ARMH4: variants seen among roughly 807,000 people sequenced by gnomAD.
The protein encoded by ARMH4 is armadillo-like helical domain-containing protein 4.
Under a neutral mutation model 61.9 loss-of-function variants are expected in ARMH4, and 49 were observed. The ratio of observed to expected loss-of-function variants is 0.79; its 90% CI spans 0.63 to 1.00. The LOEUF (loss-of-function observed/expected upper bound fraction) is 1.00. ARMH4 is among the 50% of genes least tolerant of loss of function. The pLI, the probability that ARMH4 is intolerant of heterozygous loss-of-function variation, is 0.00. For synonymous variants in ARMH4, 368 were observed against 341.5 expected (o/e 1.08, Z -0.85); for missense variants, 934 against 930.0 (o/e 1.00, Z -0.06).
intron 5 of ARMH4, among the ~76,000 whole-genome samples, chr14:58,060,970 GC>G (rs1307056934): frequency 1.3e-5 from 2 of 152,056 alleles, no homozygotes; most frequent in African/African-American, 4.8e-5. Flanking sequence ...TGCAGCCTTG[GC>G]CTACCTCAGT....
intron 4 of ARMH4, chr14:58,131,159 GC>G: frequency 5.0e-6 from 1 of 199,162 alleles, no homozygotes; most frequent in Non-Finnish European, 1.0e-5. Flanking sequence ...TCTTAATTCT[GC>G]TGCTATGGCA....
intron 4 of ARMH4, among the ~76,000 whole-genome samples, chr14:58,113,657 C>T (rs1160101869): frequency 2.0e-5 from 3 of 152,008 alleles, no homozygotes; most frequent in African/African-American, 7.2e-5. Flanking sequence ...GAAGTTTTCA[C>T]TCTACCCTCC....
At position 58,004,391 on chromosome 14, in the gene ARMH4, G is replaced by A. The variant is rs184962780; in HGVS notation, c.*345C>T. On this transcript the variant is annotated 3_prime_UTR_variant, in exon 8 of 8. Coordinates refer to ENST00000267485, the MANE Select transcript of ARMH4 (RefSeq NM_001001872.4). ...GCAACAATCATTATTCTCAATGCAGGTAATTCAAACCAAGGAAAAGACACT... is the reference window on the plus strand; with the variant it reads ...GCAACAATCATTATTCTCAATGCAGATAATTCAAACCAAGGAAAAGACACT... The A allele has an allele frequency of 3.3e-3, 571 of 174,696 alleles. 3 individuals carry two copies. The highest frequency in any genetic ancestry group is 0.01 in the African/African-American group (428 of 42,214). 10.8% of individuals were successfully genotyped at this position (174,696 alleles called of 1,614,324 possible).
At position 58,003,432 on chromosome 14, in the gene ARMH4, T is replaced by C. The variant is rs1464571708; in HGVS notation, c.*1304A>G. ...ATAACTGTGCAACTTTTCTTGAACA[T>C]AGTAGACAACTTCTAATAAACACCA... On this transcript the variant is annotated 3_prime_UTR_variant, in exon 8 of 8. Coordinates refer to ENST00000267485, the MANE Select transcript of ARMH4 (RefSeq NM_001001872.4). 1.3e-5 allele frequency: 2 copies of C among 152,228 alleles called. No individual in the cohort carries two copies. The highest frequency in any genetic ancestry group is 2.4e-5 in the African/African-American group (1 of 41,456). The allele number at this position is 152,228 out of a possible 1,614,324, so 9.4% of individuals were successfully genotyped here. A position where few individuals can be genotyped will look rare whatever the true frequency, so the allele number is the denominator to read the frequency against.
intron 1 of ARMH4, among the ~76,000 whole-genome samples, chr14:58,147,071 T>C (rs1449865218): frequency 6.6e-6 from 1 of 152,194 alleles, no homozygotes; most frequent in Non-Finnish European, 1.5e-5. Context: ...TGGCTTTTCA[T>C]TGTCAACTGG....
At chr14:58,130,610 T>C (rs531524779) in intron 4 of ARMH4, among the ~76,000 whole-genome samples, 1 of 93,408 alleles carries the variant, frequency 1.1e-5, no homozygotes, top group Admixed American at 1.2e-4. Flanking sequence ...ATATTTCTAG[T>C]CTTCTTATTT....
intron 5 of ARMH4, among the ~76,000 whole-genome samples, chr14:58,036,415 C>T (rs1883486424): frequency 2.1e-5 from 1 of 48,376 alleles, no homozygotes; most frequent in Non-Finnish European, 4.2e-5. Flanking sequence ...ATAATAAGAG[C>T]TATCTATGAC....
intron 5 of ARMH4, among the ~76,000 whole-genome samples, chr14:58,032,072 T>C (rs989968342): frequency 1.4e-4 from 21 of 152,148 alleles, no homozygotes; most frequent in Admixed American, 1.0e-3. Flanking sequence ...TCTTCACCTT[T>C]TCTTCTCCCG....
intron 4 of ARMH4, among the ~76,000 whole-genome samples, chr14:58,098,900 T>G (rs1428530035): frequency 6.6e-6 from 1 of 151,248 alleles, no homozygotes; most frequent in Non-Finnish European, 1.5e-5. Context: ...AAGCAAGAGA[T>G]GAAAAAAGAA....
At chr14:58,125,741 A>G (rs920779340) in intron 4 of ARMH4, among the ~76,000 whole-genome samples, 1 of 152,276 alleles carries the variant, frequency 6.6e-6, no homozygotes, top group Admixed American at 6.5e-5. Flanking sequence ...CTATGCCCCA[A>G]TTCAGCAGGA....
At chr14:58,071,312 C>T (rs902485144) in intron 5 of ARMH4, among the ~76,000 whole-genome samples, 2 of 152,080 alleles carry the variant, frequency 1.3e-5, no homozygotes, top group African/African-American at 2.4e-5. Context: ...TGGCTTTACT[C>T]ATCCAAAAAT....
chr14:58,023,293 GA>G (rs1566544260), intron 5 of ARMH4, among the ~76,000 whole-genome samples: 10 of 152,104 alleles, frequency 6.6e-5, no homozygotes, highest in Non-Finnish European at 1.0e-4. Flanking sequence ...ACTGCTTGGT[GA>G]GCTAAGGTCA....
chr14:58,019,894 C>G (rs893460217), intron 5 of ARMH4, among the ~76,000 whole-genome samples: 9 of 152,198 alleles, frequency 5.9e-5, no homozygotes, highest in African/African-American at 2.2e-4. Flanking sequence ...GTATCCCAAA[C>G]TGTTTATTTA....
At chr14:58,040,777 G>A (rs1213988926) in intron 5 of ARMH4, among the ~76,000 whole-genome samples, 1 of 152,050 alleles carries the variant, frequency 6.6e-6, no homozygotes, top group Non-Finnish European at 1.5e-5. Context: ...AGGTTCTATA[G>A]GACCCTTAAC....
At chr14:58,141,088 C>A (rs1887533491) in intron 1 of ARMH4, among the ~76,000 whole-genome samples, 1 of 152,156 alleles carries the variant, frequency 6.6e-6, no homozygotes, top group South Asian at 2.1e-4. Flanking sequence ...TTATAAAAAT[C>A]CAGTTTATTA....
At chr14:58,018,122 C>T (rs1371929578) in intron 5 of ARMH4, among the ~76,000 whole-genome samples, 1 of 152,072 alleles carries the variant, frequency 6.6e-6, no homozygotes, top group Non-Finnish European at 1.5e-5. Flanking sequence ...CAAAAATCAT[C>T]TCAAAATGAA....
intron 1 of ARMH4, among the ~76,000 whole-genome samples, chr14:58,141,030 T>C (rs1380837230): frequency 1.3e-5 from 2 of 152,158 alleles, no homozygotes; most frequent in Non-Finnish European, 2.9e-5. Flanking sequence ...GTCACCTTGA[T>C]CTTGGACTTC....
At chr14:58,049,898 C>A (rs1422399934) in intron 5 of ARMH4, among the ~76,000 whole-genome samples, 5 of 152,278 alleles carry the variant, frequency 3.3e-5, no homozygotes, top group African/African-American at 9.6e-5. Flanking sequence ...AGAAAAAGAA[C>A]AACACTTCTT....
chr14:58,007,953 A>G (rs1199016159), intron 6 of ARMH4, among the ~76,000 whole-genome samples: 1 of 152,206 alleles, frequency 6.6e-6, no homozygotes, highest in Non-Finnish European at 1.5e-5. Flanking sequence ...ATGGCTATAA[A>G]AATGTTCCAG....
Sources: allele counts gnomAD v4.1 joint callset (sites outside exome capture counted in the v4.1 genomes callset), GRCh38; gene constraint gnomAD v4.1.1; transcripts MANE v1.5; gene names NCBI Gene and HGNC (gene_info 2026-07-23, HGNC 2026-07-21).